FHIT: variants seen among roughly 807,000 people sequenced by gnomAD.
The protein encoded by FHIT is fragile histidine triad diadenosine triphosphatase.
A neutral mutation model predicts 17.9 loss-of-function variants in FHIT; 19 were observed. The ratio of observed to expected loss-of-function variants is 1.06; its 90% confidence interval spans 0.74 to 1.56. The LOEUF is 1.56. Among genes scored for constraint, FHIT ranks in the 40% most tolerant of loss-of-function variants. The probability of loss-of-function intolerance (pLI) is 0.00; values close to 1 mark genes in which losing one functional copy is unlikely to be tolerated. For synonymous variants in FHIT, 81 were observed against 69.7 expected (o/e 1.16, Z -0.81); for missense variants, 248 against 189.2 (o/e 1.31, Z -1.82).
intron 3 of FHIT, among the ~76,000 whole-genome samples, chr3:60,988,946 TAAAAAAAAAAAAAAAA>T (rs535898632): frequency 1.8e-3 from 63 of 34,336 alleles, no homozygotes; most frequent in South Asian, 0.013. Context: ...ATGGCTTTGT[TAAAAAAAAAAAAAAAA>T]AAAAAAAAAA....
intron 3 of FHIT, among the ~76,000 whole-genome samples, chr3:60,842,102 C>T (rs1575588246): frequency 1.3e-5 from 2 of 152,012 alleles, no homozygotes; most frequent in Admixed American, 1.3e-4. Context: ...GAGTAGTTCC[C>T]AAAACTTCTA....
chr3:59,790,224 C>T (rs1028913833), intron 8 of FHIT, among the ~76,000 whole-genome samples: 4 of 152,172 alleles, frequency 2.6e-5, no homozygotes, highest in African/African-American at 9.7e-5. Context: ...CCTTTGCTTC[C>T]ATACCAAAAA....
At chr3:60,035,008 T>C (rs917717698) in intron 5 of FHIT, among the ~76,000 whole-genome samples, 3 of 152,226 alleles carry the variant, frequency 2.0e-5, no homozygotes, top group Non-Finnish European at 4.4e-5. Flanking sequence ...TTAAACATTT[T>C]ATAAACCTTA....
rs546008337 is a variant in FHIT at position 61,083,583 on chromosome 3, G to A, written c.-163-41484C>T. ...CCAGCCTGGGCGACAGCGAGACTCC[G>A]TCTCAAAAACAAAAAGAAAAAGAAA... is the stretch of plus-strand genomic sequence containing the variant. On this transcript the variant is annotated intron_variant, in intron 2 of 9. Transcript: ENST00000492590. Among the ~76,000 whole-genome samples the A allele has an allele frequency of 1.2e-4, 18 of 152,188 alleles. No individual in the cohort carries two copies. In the East Asian group the frequency reaches 3.3e-3, roughly 28 times the overall value.
At chr3:60,255,837 A>G (rs558668391) in intron 5 of FHIT, among the ~76,000 whole-genome samples, 101 of 152,196 alleles carry the variant, frequency 6.6e-4, no homozygotes, top group African/African-American at 2.4e-3. Flanking sequence ...CCTGGGCAAC[A>G]GAGCGAGACT....
At chr3:60,500,731 C>A (rs531217285) in intron 5 of FHIT, among the ~76,000 whole-genome samples, 2 of 146,832 alleles carry the variant, frequency 1.4e-5, no homozygotes, top group Non-Finnish European at 3.0e-5. Context: ...CAAGATCACC[C>A]CACTGCACTC....
At chr3:60,331,829 A>G (rs1709991941) in intron 5 of FHIT, among the ~76,000 whole-genome samples, 1 of 149,782 alleles carries the variant, frequency 6.7e-6, no homozygotes, top group Non-Finnish European at 1.5e-5. Context: ...CTGGGCAACA[A>G]GAGCAAAACT....
intron 5 of FHIT, among the ~76,000 whole-genome samples, chr3:60,399,116 T>G (rs1701567147): frequency 6.6e-6 from 1 of 152,166 alleles, no homozygotes; most frequent in Non-Finnish European, 1.5e-5. Context: ...AACAATAATT[T>G]GCTGGCCAAG....
intron 5 of FHIT, among the ~76,000 whole-genome samples, chr3:60,089,134 C>T (rs1559621895): frequency 1.3e-5 from 2 of 152,092 alleles, no homozygotes; most frequent in African/African-American, 4.8e-5. Context: ...TAATTCCACA[C>T]GGTTCCACAG....
chr3:60,363,177 T>C (rs1699970971), intron 5 of FHIT, among the ~76,000 whole-genome samples: 1 of 152,150 alleles, frequency 6.6e-6, no homozygotes, highest in African/African-American at 2.4e-5. Context: ...TCTAAATTCG[T>C]GGTGCTCCTA....
intron 5 of FHIT, among the ~76,000 whole-genome samples, chr3:60,145,562 T>TTTG (rs1465051993): frequency 2.0e-5 from 3 of 152,210 alleles, no homozygotes; most frequent in African/African-American, 4.8e-5. Context: ...TGCTATGACA[T>TTTG]AGGCATTCTG....
intron 5 of FHIT, among the ~76,000 whole-genome samples, chr3:60,445,446 C>T (rs1193578536): frequency 6.6e-6 from 1 of 150,590 alleles, no homozygotes; most frequent in Non-Finnish European, 1.5e-5. Context: ...GCTGTGATGG[C>T]AAGCTATCCA....
At chr3:61,090,232 A>C (rs938387268) in intron 2 of FHIT, among the ~76,000 whole-genome samples, 1 of 152,220 alleles carries the variant, frequency 6.6e-6, no homozygotes, top group African/African-American at 2.4e-5. Flanking sequence ...TTTAGGGGGG[A>C]AATTGTACCA....
At chr3:60,156,349 C>CAAAA (rs531763537) in intron 5 of FHIT, among the ~76,000 whole-genome samples, 1 of 106,446 alleles carries the variant, frequency 9.4e-6, no homozygotes. Flanking sequence ...GACTCTGTCT[C>CAAAA]AAAAAAAAAA....
chr3:61,031,133 T>C (rs13067953), intron 3 of FHIT, among the ~76,000 whole-genome samples: 2 of 152,188 alleles, frequency 1.3e-5, no homozygotes, highest in Non-Finnish European at 2.9e-5. Context: ...AAAGTTATTA[T>C]TATTTTTTAA....
chr3:60,019,415 C>CTTTTTTTTTTTT (rs1281567026), intron 5 of FHIT, among the ~76,000 whole-genome samples: 28 of 121,092 alleles, frequency 2.3e-4, no homozygotes, highest in African/African-American at 4.3e-4. Flanking sequence ...TGAGATGCTC[C>CTTTTTTTTTTTT]TTTTTTTTTT....
rs529901155 is a variant in FHIT, at chr3:60,438,304, C to T, written c.103+98556G>A. ...TAAGATGCTAATGAGACATGTGGCACATGGACAAGCATGTACAGCTACTGC... is the reference window on the plus strand; with the variant it reads ...TAAGATGCTAATGAGACATGTGGCATATGGACAAGCATGTACAGCTACTGC... On this transcript the variant is annotated intron_variant, in intron 5 of 9. Coordinates refer to ENST00000492590, the MANE Select transcript of FHIT (RefSeq NM_002012.4). 1.4e-4 allele frequency among the ~76,000 whole-genome samples: 22 copies of T among 152,166 alleles called. No homozygotes were observed. In the South Asian group the frequency reaches 1.9e-3, roughly 13 times the overall value.
intron 5 of FHIT, among the ~76,000 whole-genome samples, chr3:60,435,210 C>A (rs936217134): frequency 6.6e-6 from 1 of 152,120 alleles, no homozygotes; most frequent in Non-Finnish European, 1.5e-5. Flanking sequence ...GAAGTAACTG[C>A]AAACCATAAA....
At chr3:60,871,851 C>T (rs138725857) in intron 3 of FHIT, among the ~76,000 whole-genome samples, 35 of 151,828 alleles carry the variant, frequency 2.3e-4, no homozygotes, top group Non-Finnish European at 3.4e-4. Context: ...TTTGTAGAGA[C>T]GAGGTCTTGC....
Sources: allele counts gnomAD v4.1 joint callset (sites outside exome capture counted in the v4.1 genomes callset), GRCh38; gene constraint gnomAD v4.1.1; transcripts MANE v1.5; gene names NCBI Gene and HGNC (gene_info 2026-07-23, HGNC 2026-07-21).